EXOC6B: variants seen among roughly 807,000 people sequenced by gnomAD.
EXOC6B encodes SEC15 homolog B.
EXOC6B carries 54 observed loss-of-function variants against 113.5 expected under a neutral mutation model. The ratio of observed to expected loss-of-function variants is 0.48; its 90% CI spans 0.38 to 0.60. EXOC6B has a LOEUF of 0.60. Among genes scored for constraint, EXOC6B ranks in the 20% least tolerant of loss-of-function variants. The probability of loss-of-function intolerance (pLI) is 0.00; values close to 1 mark genes in which losing one functional copy is unlikely to be tolerated. For synonymous variants in EXOC6B, 357 were observed against 339.0 expected (o/e 1.05, Z -0.58); for missense variants, 797 against 977.5 (o/e 0.82, Z 2.46).
chr2:72,229,873 T>A (rs1053756831), intron 20 of EXOC6B, among the ~76,000 whole-genome samples: 1 of 152,230 alleles, frequency 6.6e-6, no homozygotes, highest in Non-Finnish European at 1.5e-5. Flanking sequence ...TGGCCATTTT[T>A]GTGGTACTGG....
intron 3 of EXOC6B, among the ~76,000 whole-genome samples, chr2:72,732,858 T>A (rs1275155722): frequency 6.6e-6 from 1 of 152,170 alleles, no homozygotes; most frequent in Non-Finnish European, 1.5e-5. Context: ...GTCGATGATT[T>A]AAAAGCACAA....
chr2:72,742,843 A>G (rs1681413819), intron 1 of EXOC6B, among the ~76,000 whole-genome samples: 1 of 152,228 alleles, frequency 6.6e-6, no homozygotes, highest in Admixed American at 6.5e-5. Context: ...TTCCTAATCT[A>G]TAATTCAGAG....
intron 1 of EXOC6B, among the ~76,000 whole-genome samples, chr2:72,824,193 C>T (rs1686764014): frequency 6.6e-6 from 1 of 152,018 alleles, no homozygotes; most frequent in South Asian, 2.1e-4. Context: ...TGAGACCAGC[C>T]TGGGCAACAT....
chr2:72,410,103 A>C (rs2105217621), intron 18 of EXOC6B, among the ~76,000 whole-genome samples: 1 of 152,264 alleles, frequency 6.6e-6, no homozygotes, highest in African/African-American at 2.4e-5. Context: ...ACTCTTCCCC[A>C]GAGTTCTGAC....
rs1677926953 is a variant in EXOC6B at position 72,179,186 on chromosome 2, A to T, written c.*149T>A. On this transcript the variant is annotated 3_prime_UTR_variant, in exon 22 of 22. Transcript: ENST00000272427. The stretch of plus-strand genomic sequence containing the variant: ...TCTTGTGCCTCTTTTACTATAGGGA[A>T]ATGTTATGTGAATACTGCACAGGGG... The T allele has an allele frequency of 1.1e-6, 1 of 869,892 alleles. No individual in the cohort carries two copies. The highest frequency in any genetic ancestry group is 3.3e-5 in the Admixed American group (1 of 30,500). 53.9% of individuals were successfully genotyped at this position (869,892 alleles called of 1,614,324 possible).
chr2:72,745,476 C>T lies in EXOC6B; in HGVS notation c.114-4007G>A, dbSNP rs191956400. Among the ~76,000 whole-genome samples, 330 of 151,844 alleles carry T rather than the reference C, an allele frequency of 2.2e-3. 1 individual carries two copies. Among genetic ancestry groups the T allele is most frequent in the African/African-American group, 7.5e-3 (310 of 41,436 alleles). ...AATTAAAAAAAAAGAAAGAATAAAA[C>T]GTAAAACACCCATATTTAAAACAGG... On this transcript the variant is annotated intron_variant, in intron 1 of 21. Transcript: ENST00000272427.
intron 6 of EXOC6B, among the ~76,000 whole-genome samples, chr2:72,616,378 A>G (rs1251584409): frequency 6.6e-6 from 1 of 152,248 alleles, no homozygotes; most frequent in Non-Finnish European, 1.5e-5. Context: ...ACTTCAAAAT[A>G]TACTACTAAG....
chr2:72,270,803 T>C (rs1237230275), intron 20 of EXOC6B, among the ~76,000 whole-genome samples: 1 of 152,144 alleles, frequency 6.6e-6, no homozygotes, highest in Non-Finnish European at 1.5e-5. Flanking sequence ...AAAATTATGA[T>C]GATCAGAAAA....
At chr2:72,363,476 AT>A (rs1690440624) in intron 19 of EXOC6B, among the ~76,000 whole-genome samples, 1 of 152,098 alleles carries the variant, frequency 6.6e-6, no homozygotes, top group Admixed American at 6.6e-5. Flanking sequence ...AAGTCAATTT[AT>A]TATACCAAAT....
At chr2:72,290,546 A>G (rs1375027906) in intron 20 of EXOC6B, among the ~76,000 whole-genome samples, 2 of 152,090 alleles carry the variant, frequency 1.3e-5, no homozygotes, top group South Asian at 2.1e-4. Flanking sequence ...TTAAAAATTG[A>G]TACTTAACAT....
rs191480771 is a variant in EXOC6B, at chr2:72,405,531, G to T, written c.1981-25661C>A. On this transcript the variant is annotated intron_variant, in intron 18 of 21. Transcript: ENST00000272427. ...GGCAGAAACTCTACAAGCCAGAAGA[G>T]AGTGGGGGCCAATATTCAACATTCT... 3.5e-4 allele frequency among the ~76,000 whole-genome samples: 54 copies of T among 152,330 alleles called. No individual in the cohort carries two copies. The East Asian group carries it at 4.6e-3, about 13-fold the overall frequency.
chr2:72,337,877 A>G (rs1688781052), intron 19 of EXOC6B, among the ~76,000 whole-genome samples: 1 of 152,132 alleles, frequency 6.6e-6, no homozygotes, highest in Non-Finnish European at 1.5e-5. Context: ...CCAAACATCC[A>G]CTCAAAATAG....
chr2:72,729,625 A>G (rs2104767771), intron 5 of EXOC6B, among the ~76,000 whole-genome samples: 2 of 151,984 alleles, frequency 1.3e-5, no homozygotes, highest in East Asian at 1.9e-4. Flanking sequence ...GGGTTTCTCC[A>G]TGTTGGCCAG....
chr2:72,684,209 G>A lies in EXOC6B; in HGVS notation c.669+33894C>T, dbSNP rs142645213. ...CTCAAAGCGCTGGGATTAAAGGCAT[G>A]AGCCACCGTGCCAGACTGCAATTTA... On this transcript the variant is annotated intron_variant, in intron 6 of 21. Coordinates refer to ENST00000272427, the MANE Select transcript of EXOC6B (RefSeq NM_015189.3). Among the ~76,000 whole-genome samples the A allele has an allele frequency of 1.8e-3, 268 of 152,276 alleles. 2 individuals carry two copies. Among genetic ancestry groups the A allele is most frequent in the African/African-American group, 5.4e-3 (225 of 41,556 alleles).
At chr2:72,254,819 G>A (rs1030574141) in intron 20 of EXOC6B, among the ~76,000 whole-genome samples, 6 of 152,196 alleles carry the variant, frequency 3.9e-5, no homozygotes, top group African/African-American at 7.2e-5. Flanking sequence ...AGTAGAGCTT[G>A]TAAGCAATGA....
At chr2:72,475,374 G>A (rs983179023) in intron 17 of EXOC6B, among the ~76,000 whole-genome samples, 1 of 152,182 alleles carries the variant, frequency 6.6e-6, no homozygotes, top group South Asian at 2.1e-4. Flanking sequence ...ACGGGTATTG[G>A]TGTTGGTTGC....
intron 6 of EXOC6B, among the ~76,000 whole-genome samples, chr2:72,715,101 C>A (rs1679522175): frequency 6.6e-6 from 1 of 152,032 alleles, no homozygotes; most frequent in African/African-American, 2.4e-5. Flanking sequence ...CCCGTCTCTA[C>A]TAAAAATACA....
At chr2:72,681,613 T>C (rs1160592378) in intron 6 of EXOC6B, among the ~76,000 whole-genome samples, 1 of 152,088 alleles carries the variant, frequency 6.6e-6, no homozygotes, top group Non-Finnish European at 1.5e-5. Context: ...ATCTATTGGG[T>C]AACAGATGAA....
At chr2:72,737,596 G>A (rs748339377) in intron 2 of EXOC6B, among the ~76,000 whole-genome samples, 1 of 152,184 alleles carries the variant, frequency 6.6e-6, no homozygotes, top group Non-Finnish European at 1.5e-5. Context: ...GCTCAGACCT[G>A]TAATCCCAGC....
Sources: gnomAD v4.1 joint callset for allele counts (sites outside exome capture counted in the v4.1 genomes callset) on GRCh38, gnomAD v4.1.1 for gene constraint, MANE v1.5 for transcripts, NCBI Gene and HGNC (gene_info 2026-07-23, HGNC 2026-07-21) for gene names.